Variants in NMRK1 observed in about 807,000 individuals in gnomAD.
The protein encoded by NMRK1 is nicotinamide riboside kinase 1.
In NMRK1, 28 loss-of-function variants were observed where a neutral mutation model predicts 29.9. That is an observed-to-expected ratio of 0.94 (90% CI 0.69 to 1.28). The LOEUF (loss-of-function observed/expected upper bound fraction) is 1.28, where lower values mean the gene tolerates loss of function less well. NMRK1 is among the 50% of genes most tolerant of loss of function. The pLI is 0.00. For synonymous variants in NMRK1, 58 were observed against 73.0 expected (o/e 0.79, Z 1.05); for missense variants, 218 against 233.1 (o/e 0.94, Z 0.42).
At chr9:75,062,487 C>T (rs1305270871) in intron 8 of NMRK1, among the ~76,000 whole-genome samples, 2 of 151,804 alleles carry the variant, frequency 1.3e-5, no homozygotes, top group Admixed American at 6.6e-5. Flanking sequence ...CAGAACTCAG[C>T]CTTGATTTTT....
chr9:75,068,966 G>T, intron 7 of NMRK1, 30 bp downstream of exon 7: 1 of 1,436,902 alleles, frequency 7.0e-7, no homozygotes, highest in Non-Finnish European at 9.8e-7. Context: ...CAAGTAAAAG[G>T]CCTTGAACAG....
intron 2 of NMRK1, among the ~76,000 whole-genome samples, chr9:75,082,518 T>C (rs1824378694): frequency 6.6e-6 from 1 of 152,286 alleles, no homozygotes; most frequent in Middle Eastern, 3.4e-3. Flanking sequence ...TCATTTTCAG[T>C]TGATGTTGAT....
intron 8 of NMRK1, among the ~76,000 whole-genome samples, chr9:75,063,186 G>A: frequency 6.6e-6 from 1 of 150,778 alleles, no homozygotes; most frequent in Non-Finnish European, 1.5e-5. Context: ...GGCACCTGTG[G>A]TCTCAGTTAC....
At chr9:75,062,039 A>C (rs1445346282) in intron 8 of NMRK1, among the ~76,000 whole-genome samples, 1 of 152,246 alleles carries the variant, frequency 6.6e-6, no homozygotes, top group Non-Finnish European at 1.5e-5. Flanking sequence ...TGCAAAGCAC[A>C]CATTTTTTGG....
intron 1 of NMRK1, 93 bp from the exon 2 acceptor site, chr9:75,083,243 A>G (rs1448461106): frequency 2.3e-5 from 16 of 694,714 alleles, no homozygotes; most frequent in African/African-American, 7.0e-5. Context: ...ACCAGCTGAG[A>G]GGGGAGGATG....
intron 2 of NMRK1, chr9:75,078,627 AATT>A: frequency 1.9e-6 from 2 of 1,055,906 alleles, no homozygotes; most frequent in South Asian, 9.2e-5. Flanking sequence ...ATGAGAAAAA[AATT>A]ATACCTTTAT....
intron 2 of NMRK1, among the ~76,000 whole-genome samples, chr9:75,078,778 C>T (rs1824157310): frequency 6.6e-6 from 1 of 152,096 alleles, no homozygotes; most frequent in Non-Finnish European, 1.5e-5. Context: ...CTTGAAGTAT[C>T]ATCGATGTTC....
chr9:75,066,421 TA>T (rs781217870), intron 8 of NMRK1: 29 of 396,432 alleles, frequency 7.3e-5, no homozygotes, highest in African/African-American at 2.7e-4. Flanking sequence ...CTGGACATAC[TA>T]AAAAAAATCA....
chr9:75,077,304 G>C, intron 3 of NMRK1, 97 bp from the exon 4 acceptor site: 1 of 947,422 alleles, frequency 1.1e-6, no homozygotes, highest in Non-Finnish European at 1.7e-6. Flanking sequence ...AAATGCTTTG[G>C]ATGATCAAAG....
rs376901220 is a variant in NMRK1 at position 75,061,515 on chromosome 9, T to C, written c.*33A>G. The C allele has an allele frequency of 5.7e-6, 9 of 1,581,270 alleles. No individual in the cohort carries two copies. Among genetic ancestry groups the C allele is most frequent in the Non-Finnish European group, 6.9e-6 (8 of 1,153,216 alleles). Reference sequence around the variant, plus strand: ...TAAATTACTCCTTGGAGTTTCCTAATTCACTTCAGGAAGGATTTGTTGTGT... The same window carrying C: ...TAAATTACTCCTTGGAGTTTCCTAACTCACTTCAGGAAGGATTTGTTGTGT... On this transcript the variant is annotated 3_prime_UTR_variant, in exon 9 of 9. Coordinates refer to ENST00000361092, the MANE Select transcript of NMRK1 (RefSeq NM_017881.3).
intron 4 of NMRK1, among the ~76,000 whole-genome samples, chr9:75,072,365 TCCATCTTGGCTGGAACCA>T (rs1823749945): frequency 6.6e-6 from 1 of 152,244 alleles, no homozygotes; most frequent in Non-Finnish European, 1.5e-5. Context: ...ATGGGACTAA[TCCATCTTGGCTGGAACCA>T]GCAGTCTTAC....
chr9:75,068,290 C>A (rs189983087), intron 7 of NMRK1, among the ~76,000 whole-genome samples: 3 of 152,294 alleles, frequency 2.0e-5, no homozygotes, highest in Non-Finnish European at 1.5e-5. Flanking sequence ...TTGTTTAAAA[C>A]TTCTCTCTAG....
intron 2 of NMRK1, chr9:75,078,534 T>G: frequency 7.8e-7 from 1 of 1,288,776 alleles, no homozygotes; most frequent in Non-Finnish European, 9.9e-7. Context: ...GGGAGGCACT[T>G]CTCGATTCAG....
chr9:75,077,104 T>C (rs1824035338), intron 4 of NMRK1, 55 bp downstream of exon 4: 1 of 1,115,560 alleles, frequency 9.0e-7, no homozygotes, highest in Non-Finnish European at 1.3e-6. Context: ...GTTCTTTGGG[T>C]TTGAAAAAGA....
chr9:75,076,066 A>C (rs1372470830), intron 4 of NMRK1, among the ~76,000 whole-genome samples: 2 of 152,246 alleles, frequency 1.3e-5, no homozygotes, highest in Non-Finnish European at 2.9e-5. Context: ...CAGCAATTCT[A>C]TTACCAGGTA....
chr9:75,084,885 A>G (rs78671486), intron 1 of NMRK1, among the ~76,000 whole-genome samples: 1,938 of 152,366 alleles, frequency 0.013, 38 homozygotes, highest in African/African-American at 0.043. Flanking sequence ...TACAAGATGT[A>G]TCGAGGGAAT....
At chr9:75,074,050 T>C (rs1823849332) in intron 4 of NMRK1, among the ~76,000 whole-genome samples, 1 of 152,112 alleles carries the variant, frequency 6.6e-6, no homozygotes, top group Non-Finnish European at 1.5e-5. Flanking sequence ...TCCTTATACA[T>C]ATCCTTTTTC....
chr9:75,066,714 G>T, intron 8 of NMRK1, 43 bp downstream of exon 8: 1 of 1,056,950 alleles, frequency 9.5e-7, no homozygotes, highest in Non-Finnish European at 1.5e-6. Context: ...GATTTTCCTG[G>T]CTGTTTCTCC....
At chr9:75,083,026 C>T in intron 2 of NMRK1, 61 bp downstream of exon 2, 2 of 1,250,880 alleles carry the variant, frequency 1.6e-6, no homozygotes, top group Admixed American at 3.4e-5. Context: ...TCCATCCACA[C>T]AGAAACACCA....
Sources: gnomAD v4.1 joint callset for allele counts (sites outside exome capture counted in the v4.1 genomes callset) on GRCh38, gnomAD v4.1.1 for gene constraint, MANE v1.5 for transcripts, NCBI Gene and HGNC (gene_info 2026-07-23, HGNC 2026-07-21) for gene names.